The following PRLR variants were observed in gnomAD, a reference collection of about 807,000 sequenced individuals.
The protein encoded by PRLR is prolactin receptor.
A neutral mutation model predicts 40.2 loss-of-function variants in PRLR; 13 were observed. The observed-to-expected ratio is 0.32, with a 90% CI of 0.21 to 0.51. The LOEUF is 0.51. Ranked by LOEUF, PRLR falls within the 20% of genes least tolerant of loss-of-function variation. The pLI is 0.97. For missense variants in PRLR, 656 were observed against 747.3 expected (o/e 0.88, Z 1.42); for synonymous variants, 269 against 278.7 (o/e 0.97, Z 0.35).
chr5:35,127,783 C>T (rs80258329), intron 1 of PRLR, among the ~76,000 whole-genome samples: 3 of 152,060 alleles, frequency 2.0e-5, no homozygotes, highest in East Asian at 1.9e-4. Context: ...ATTCCATTTA[C>T]GTGAAATGTC....
At chr5:35,196,742 G>A (rs538982662) in intron 1 of PRLR, among the ~76,000 whole-genome samples, 67 of 152,340 alleles carry the variant, frequency 4.4e-4, no homozygotes, top group African/African-American at 1.5e-3. Flanking sequence ...CGAAGGAATC[G>A]TTCTCAGGAG....
Position 35,063,413 on chromosome 5 carries a change from T to C in PRLR, c.*1676A>G, listed in dbSNP as rs934777381. 10 of 152,090 alleles carry C rather than the reference T, an allele frequency of 6.6e-5. No individual in the cohort carries two copies. The East Asian group carries it at 1.9e-3, about 29-fold the overall frequency. The allele number at this position is 152,090 out of a possible 1,614,324, so 9.4% of individuals were successfully genotyped here. ...CATATAGAATGGATTTACCATCAAGTGAAGGGAAAAATAGAGAGGGGCTGC... is the reference window on the plus strand; with the variant it reads ...CATATAGAATGGATTTACCATCAAGCGAAGGGAAAAATAGAGAGGGGCTGC... On this transcript the variant is annotated 3_prime_UTR_variant, in exon 10 of 10. Coordinates refer to ENST00000618457, the MANE Select transcript of PRLR (RefSeq NM_000949.7).
intron 2 of PRLR, among the ~76,000 whole-genome samples, chr5:35,108,998 G>T (rs1401265771): frequency 6.6e-6 from 1 of 152,160 alleles, no homozygotes; most frequent in Non-Finnish European, 1.5e-5. Context: ...AAAACAGCAT[G>T]GTACTAGTAC....
At chr5:35,105,477 T>C (rs1426026116) in intron 2 of PRLR, among the ~76,000 whole-genome samples, 4 of 152,094 alleles carry the variant, frequency 2.6e-5, no homozygotes, top group Middle Eastern at 3.2e-3. Context: ...CTAAAAACCT[T>C]GAAAAAGATT....
intron 9 of PRLR, 97 bp from the exon 10 acceptor site, chr5:35,066,199 G>T: frequency 8.2e-7 from 1 of 1,218,746 alleles, no homozygotes; most frequent in Non-Finnish European, 1.1e-6. Context: ...CCACAAGCAG[G>T]TGGGAAGATC....
At chr5:35,082,120 T>A (rs1770565093) in intron 5 of PRLR, 1 of 152,212 alleles carries the variant, frequency 6.6e-6, no homozygotes, top group Admixed American at 6.5e-5. Flanking sequence ...TCACAATTTT[T>A]ATGCAGACTC....
intron 1 of PRLR, among the ~76,000 whole-genome samples, chr5:35,158,850 G>T (rs1032616202): frequency 5.3e-5 from 8 of 152,182 alleles, no homozygotes; most frequent in African/African-American, 1.9e-4. Flanking sequence ...TTAACACAGA[G>T]GAAAGCAGAG....
At chr5:35,163,497 G>C (rs1347885360) in intron 1 of PRLR, among the ~76,000 whole-genome samples, 1 of 152,168 alleles carries the variant, frequency 6.6e-6, no homozygotes, top group Non-Finnish European at 1.5e-5. Flanking sequence ...GTGCATTCAG[G>C]CTGCATAAAA....
At chr5:35,154,980 C>T (rs1038791729) in intron 1 of PRLR, among the ~76,000 whole-genome samples, 1 of 151,212 alleles carries the variant, frequency 6.6e-6, no homozygotes, top group Non-Finnish European at 1.5e-5. Context: ...CACACTGGAG[C>T]CTGTCAGGGG....
At chr5:35,176,337 C>T (rs1775146952) in intron 1 of PRLR, among the ~76,000 whole-genome samples, 1 of 152,104 alleles carries the variant, frequency 6.6e-6, no homozygotes, top group African/African-American at 2.4e-5. Context: ...TTTAAAAATT[C>T]AGATAAATTT....
intron 2 of PRLR, among the ~76,000 whole-genome samples, chr5:35,113,250 C>A (rs965641528): frequency 6.6e-6 from 1 of 150,538 alleles, no homozygotes; most frequent in African/African-American, 2.5e-5. Flanking sequence ...ATCAACCACC[C>A]ACCCATTTAT....
intron 1 of PRLR, among the ~76,000 whole-genome samples, chr5:35,169,552 T>C (rs1385892675): frequency 7.2e-5 from 11 of 152,234 alleles, no homozygotes; most frequent in Non-Finnish European, 1.0e-4. Flanking sequence ...AGGAGCCATG[T>C]TGCATATCCC....
intron 1 of PRLR, among the ~76,000 whole-genome samples, chr5:35,170,524 A>G (rs760005596): frequency 2.2e-4 from 33 of 152,232 alleles, no homozygotes; most frequent in Admixed American, 9.8e-4. Flanking sequence ...AAAATTAGCC[A>G]GGTGCAATGG....
intron 1 of PRLR, among the ~76,000 whole-genome samples, chr5:35,161,571 AT>A (rs1276850188): frequency 6.6e-6 from 1 of 152,248 alleles, no homozygotes; most frequent in Admixed American, 6.5e-5. Flanking sequence ...GAATTCAAAA[AT>A]CAAAGGACCC....
At position 35,072,462 on chromosome 5, in the gene PRLR, T is replaced by C. The variant is rs960690622; in HGVS notation, c.543+113A>G. ...CACATCTGGGTGGGTCACAACTGCA[T>C]TGGAGGCCAACACAGTGACCCAGTA... On this transcript the variant is annotated intron_variant, in intron 6 of 9. Transcript: ENST00000618457. 6.0e-5 allele frequency: 76 copies of C among 1,261,362 alleles called. No homozygotes were observed. The African/African-American group carries it at 1.0e-3, about 17-fold the overall frequency. The allele number at this position is 1,261,362 out of a possible 1,614,324, so 78.1% of individuals were successfully genotyped here. A position where few individuals can be genotyped will look rare whatever the true frequency, so the allele number is the denominator to read the frequency against.
intron 5 of PRLR, among the ~76,000 whole-genome samples, chr5:35,073,235 C>T (rs1049301995): frequency 2.3e-4 from 35 of 152,190 alleles, no homozygotes; most frequent in African/African-American, 2.9e-4. Context: ...ATTCCATCTT[C>T]GTTTCAGCAA....
At position 35,069,009 on chromosome 5, in the gene PRLR, T is replaced by A. The variant is rs191958547; in HGVS notation, c.686-131A>T. On this transcript the variant is annotated intron_variant, in intron 7 of 9. Transcript: ENST00000618457. ...TATATTTTTTTGATTTGAACAGCAA[T>A]CCAAAGTATCATCAATGACAGGGCT... is the stretch of plus-strand genomic sequence containing the variant. 3.4e-4 allele frequency: 203 copies of A among 599,418 alleles called. No homozygotes were observed. The African/African-American group carries it at 3.4e-3, about 10-fold the overall frequency. The allele number at this position is 599,418 out of a possible 1,614,324, so 37.1% of individuals were successfully genotyped here.
intron 7 of PRLR, among the ~76,000 whole-genome samples, chr5:35,069,754 T>C (rs1186762617): frequency 1.3e-5 from 2 of 152,238 alleles, no homozygotes; most frequent in South Asian, 2.1e-4. Flanking sequence ...GTGTAATCCA[T>C]GGCAGAGACT....
At chr5:35,116,929 G>A (rs1469572051) in intron 2 of PRLR, among the ~76,000 whole-genome samples, 1 of 152,190 alleles carries the variant, frequency 6.6e-6, no homozygotes, top group Non-Finnish European at 1.5e-5. Context: ...TCCCCACCTG[G>A]AAGACATTTG....
Sources: gnomAD v4.1 joint callset for allele counts (sites outside exome capture counted in the v4.1 genomes callset) on GRCh38, gnomAD v4.1.1 for gene constraint, MANE v1.5 for transcripts, NCBI Gene and HGNC (gene_info 2026-07-23, HGNC 2026-07-21) for gene names.